Variants in NMNAT2 observed in about 807,000 individuals in gnomAD.
NMNAT2 encodes nicotinamide nucleotide adenylyltransferase 2.
Under a neutral mutation model 41.6 loss-of-function variants are expected in NMNAT2, and 11 were observed. That is an observed-to-expected ratio of 0.26 (90% confidence interval 0.17 to 0.44). The LOEUF is 0.44. NMNAT2 is among the 20% of genes least tolerant of loss of function. The pLI is 1.00. For synonymous variants in NMNAT2, 148 were observed against 151.2 expected (o/e 0.98, Z 0.16); for missense variants, 288 against 407.7 (o/e 0.71, Z 2.53).
rs1557872907 is a variant in NMNAT2 at position 183,304,807 on chromosome 1, G to A, written c.86-11014C>T. 11 of 1,608,916 alleles carry A rather than the reference G, an allele frequency of 6.8e-6. No homozygotes were observed. The East Asian group carries it at 1.1e-4, about 16-fold the overall frequency. On this transcript the variant is annotated intron_variant, in intron 1 of 10. Transcript: ENST00000287713. ...TGGCCATCAGAGAGTAACACAAAGT[G>A]GTGCAGCTGCTCCCTCATTGTTGCT...
At chr1:183,260,911 G>C (rs2102280805) in intron 10 of NMNAT2, 91 bp downstream of exon 10, 1 of 980,196 alleles carries the variant, frequency 1.0e-6, no homozygotes, top group East Asian at 2.4e-5. Flanking sequence ...ATGTCTGCCT[G>C]AATCTTAGGG....
At chr1:183,378,935 T>G (rs1273861520) in intron 1 of NMNAT2, among the ~76,000 whole-genome samples, 1 of 151,520 alleles carries the variant, frequency 6.6e-6, no homozygotes. Context: ...CCCAGCTTCT[T>G]GGGAGGCTGA....
intron 1 of NMNAT2, among the ~76,000 whole-genome samples, chr1:183,361,360 T>C (rs1571619408): frequency 6.6e-6 from 1 of 152,204 alleles, no homozygotes; most frequent in East Asian, 1.9e-4. Context: ...CAGACAAATC[T>C]GAAATCTGGG....
chr1:183,298,258 G>C (rs890691793), intron 1 of NMNAT2, among the ~76,000 whole-genome samples: 3 of 152,110 alleles, frequency 2.0e-5, no homozygotes, highest in African/African-American at 7.2e-5. Context: ...AAAAAAACCT[G>C]TCTCTATTTG....
chr1:183,333,844 T>C (rs581606), intron 1 of NMNAT2, among the ~76,000 whole-genome samples: 40,282 of 152,130 alleles, frequency 0.26, 6,029 homozygotes, highest in African/African-American at 0.41. Flanking sequence ...TTCCCCCTCC[T>C]GACTTATAAA....
intron 1 of NMNAT2, among the ~76,000 whole-genome samples, chr1:183,411,828 G>T (rs537095131): frequency 1.3e-5 from 2 of 152,362 alleles, no homozygotes; most frequent in African/African-American, 4.8e-5. Context: ...CAGGGACTGG[G>T]AGTGTGTGAG....
chr1:183,407,765 A>G (rs1382210229), intron 1 of NMNAT2, among the ~76,000 whole-genome samples: 1 of 152,252 alleles, frequency 6.6e-6, no homozygotes, highest in Non-Finnish European at 1.5e-5. Flanking sequence ...CTGCAAGAGC[A>G]CGCCTGATGC....
rs147064923 is a variant in NMNAT2, at chr1:183,355,895, C to A, written c.86-62102G>T. ...CAGTGTTGTACCATTATCCTCTTAA[C>A]CTTTCCTTCCTCTGGAAATCTCAGA... On this transcript the variant is annotated intron_variant, in intron 1 of 10. Coordinates refer to ENST00000287713, the MANE Select transcript of NMNAT2 (RefSeq NM_015039.4). Among the ~76,000 whole-genome samples the A allele has an allele frequency of 4.6e-3, 705 of 152,318 alleles. 7 individuals carry two copies. The highest frequency in any genetic ancestry group is 0.016 in the African/African-American group (667 of 41,564).
intron 1 of NMNAT2, among the ~76,000 whole-genome samples, chr1:183,384,773 A>G (rs887017574): frequency 3.9e-5 from 6 of 152,206 alleles, no homozygotes; most frequent in Non-Finnish European, 8.8e-5. Flanking sequence ...AGAGTAACAC[A>G]AATGTGAGAG....
At position 183,341,739 on chromosome 1, in the gene NMNAT2, A is replaced by AAAAACC. The variant is rs1557883716; in HGVS notation, c.86-47947_86-47946insGGTTTT. 5.7e-5 allele frequency among the ~76,000 whole-genome samples: 8 copies of AAAAACC among 141,366 alleles called. 2 individuals carry two copies. The highest frequency in any genetic ancestry group is 2.1e-4 in the African/African-American group (8 of 37,876). 92.7% of individuals were successfully genotyped at this position (141,366 alleles called of 152,430 possible). A position where few individuals can be genotyped will look rare whatever the true frequency, so the allele number is the denominator to read the frequency against. On this transcript the variant is annotated intron_variant, in intron 1 of 10. Coordinates refer to ENST00000287713, the MANE Select transcript of NMNAT2 (RefSeq NM_015039.4). ...CAAACAAACACCAAAAAAAAAAAAAAAAAAAAAACCTGTTTCCTTCACTCC... is the reference window on the plus strand; with the variant it reads ...CAAACAAACACCAAAAAAAAAAAAAAAAAACCAAAAAAAACCTGTTTCCTTCACTCC...
chr1:183,274,907 T>G lies in NMNAT2; in HGVS notation c.651+3646A>C, dbSNP rs77130596. On this transcript the variant is annotated intron_variant, in intron 8 of 10. Coordinates refer to ENST00000287713, the MANE Select transcript of NMNAT2 (RefSeq NM_015039.4). ...ACCAACTTTCCCTACAATAGGAAGATGCTAGAGGTCTGTGGAGCCCACTCC... is the reference window on the plus strand; with the variant it reads ...ACCAACTTTCCCTACAATAGGAAGAGGCTAGAGGTCTGTGGAGCCCACTCC... Among the ~76,000 whole-genome samples, 323 of 152,100 alleles carry G rather than the reference T, an allele frequency of 2.1e-3. 6 individuals are homozygous for G. In the East Asian group the frequency reaches 0.053, roughly 25 times the overall value.
intron 8 of NMNAT2, among the ~76,000 whole-genome samples, chr1:183,269,886 CTT>C (rs879768366): frequency 6.8e-6 from 1 of 148,052 alleles, no homozygotes; most frequent in South Asian, 2.1e-4. Flanking sequence ...TGACTTGAAA[CTT>C]TTTTTTTTTA....
chr1:183,344,278 C>T (rs1233097433), intron 1 of NMNAT2, among the ~76,000 whole-genome samples: 1 of 152,134 alleles, frequency 6.6e-6, no homozygotes, highest in African/African-American at 2.4e-5. Context: ...ATGAGGAAAC[C>T]GAGGTTCGCA....
intron 5 of NMNAT2, among the ~76,000 whole-genome samples, chr1:183,285,569 T>C (rs1418364283): frequency 6.6e-6 from 1 of 152,216 alleles, no homozygotes; most frequent in Non-Finnish European, 1.5e-5. Flanking sequence ...TTACCCTGTT[T>C]ATAATAGACC....
chr1:183,305,449 G>A (rs1214622209), intron 1 of NMNAT2, among the ~76,000 whole-genome samples: 4 of 152,204 alleles, frequency 2.6e-5, no homozygotes, highest in East Asian at 3.9e-4. Flanking sequence ...TTAACTACAC[G>A]TCTATTTTAT....
At chr1:183,410,775 G>A (rs552031817) in intron 1 of NMNAT2, among the ~76,000 whole-genome samples, 14 of 147,374 alleles carry the variant, frequency 9.5e-5, no homozygotes, top group African/African-American at 3.5e-4. Context: ...AAGAGATGAA[G>A]TCTTGCTTTG....
At chr1:183,279,049 G>C (rs1257344722) in intron 7 of NMNAT2, among the ~76,000 whole-genome samples, 1 of 152,182 alleles carries the variant, frequency 6.6e-6, no homozygotes, top group Non-Finnish European at 1.5e-5. Flanking sequence ...TGGATTCTCT[G>C]CTACTGTGCA....
intron 6 of NMNAT2, 26 bp from the exon 7 acceptor site, chr1:183,284,065 G>A (rs780764389): frequency 1.9e-6 from 3 of 1,604,370 alleles, no homozygotes; most frequent in African/African-American, 1.3e-5. Flanking sequence ...GGAAGGTAGG[G>A]CATTAGGGAA....
At chr1:183,321,346 C>G (rs577453823) in intron 1 of NMNAT2, among the ~76,000 whole-genome samples, 2 of 152,276 alleles carry the variant, frequency 1.3e-5, no homozygotes, top group Admixed American at 1.3e-4. Flanking sequence ...GAGGAAGCCT[C>G]AGAGGCTAGG....
Sources: allele counts gnomAD v4.1 joint callset (sites outside exome capture counted in the v4.1 genomes callset), GRCh38; gene constraint gnomAD v4.1.1; transcripts MANE v1.5; gene names NCBI Gene and HGNC (gene_info 2026-07-23, HGNC 2026-07-21).